Variants in KCNIP4 observed in about 807,000 individuals in gnomAD.
The protein encoded by KCNIP4 is potassium voltage-gated channel interacting protein 4, also known as Kv channel-interacting protein 4.
KCNIP4 carries 12 observed loss-of-function variants against 34.0 expected under a neutral mutation model. The observed-to-expected ratio is 0.35, with a 90% CI of 0.23 to 0.57. KCNIP4 has a LOEUF of 0.57. Among genes scored for constraint, KCNIP4 ranks in the 20% least tolerant of loss-of-function variants. The pLI, the probability that KCNIP4 is intolerant of heterozygous loss-of-function variation, is 0.83. For missense variants in KCNIP4, 238 were observed against 311.7 expected (o/e 0.76, Z 1.78); for synonymous variants, 124 against 102.2 (o/e 1.21, Z -1.29).
Position 20,999,414 on chromosome 4 carries a change from GTT to G in KCNIP4, c.62-116707_62-116706del, listed in dbSNP as rs5856594. On this transcript the variant is annotated intron_variant, in intron 1 of 8. Coordinates refer to ENST00000382152, the MANE Select transcript of KCNIP4 (RefSeq NM_025221.6). ...AAAAGAGGGTTTTTGTTGTGGTGGT[GTT>G]TTTTTTTTTTGTTTGTTTTTTGTTT... is the stretch of plus-strand genomic sequence containing the variant. Among the ~76,000 whole-genome samples, 250 of 95,328 alleles carry G rather than the reference GTT, an allele frequency of 2.6e-3. 1 individual carries two copies. Among genetic ancestry groups the G allele is most frequent in the Non-Finnish European group, 4.0e-3 (196 of 49,602 alleles). 62.5% of individuals were successfully genotyped at this position (95,328 alleles called of 152,430 possible).
chr4:21,808,485 T>C (rs925279115), intron 1 of KCNIP4, among the ~76,000 whole-genome samples: 7 of 152,208 alleles, frequency 4.6e-5, no homozygotes, highest in East Asian at 1.9e-4. Context: ...ATTGTAAGAA[T>C]ACAGTATATA....
chr4:21,415,654 A>G (rs1324244658), intron 1 of KCNIP4, among the ~76,000 whole-genome samples: 1 of 152,128 alleles, frequency 6.6e-6, no homozygotes, highest in African/African-American at 2.4e-5. Context: ...GTGAGCTGAG[A>G]GTGTGCCATT....
chr4:20,733,756 A>G (rs1007960953), intron 6 of KCNIP4, among the ~76,000 whole-genome samples: 4 of 152,212 alleles, frequency 2.6e-5, no homozygotes, highest in Admixed American at 2.6e-4. Flanking sequence ...ATACATGAAC[A>G]CAATAGCCAT....
intron 1 of KCNIP4, among the ~76,000 whole-genome samples, chr4:20,915,381 A>G (rs1365991963): frequency 1.3e-5 from 2 of 152,176 alleles, no homozygotes; most frequent in African/African-American, 4.8e-5. Context: ...AATTAAAACC[A>G]CAAAATATTT....
intron 1 of KCNIP4, among the ~76,000 whole-genome samples, chr4:20,920,856 G>A (rs953116862): frequency 6.6e-6 from 1 of 152,100 alleles, no homozygotes; most frequent in African/African-American, 2.4e-5. Flanking sequence ...AGGTGTGGTG[G>A]TGCATTCCTG....
At chr4:20,745,248 T>C (rs1752169128) in intron 5 of KCNIP4, among the ~76,000 whole-genome samples, 1 of 152,156 alleles carries the variant, frequency 6.6e-6, no homozygotes, top group African/African-American at 2.4e-5. Context: ...CCTTTTCTAG[T>C]ATTTGTGAAC....
chr4:20,862,499 A>C (rs149380654), intron 2 of KCNIP4, among the ~76,000 whole-genome samples: 16 of 152,170 alleles, frequency 1.1e-4, no homozygotes. Context: ...AAAAGCTGAG[A>C]GGGATTATGA....
chr4:21,887,421 A>G (rs1326739192), intron 1 of KCNIP4, among the ~76,000 whole-genome samples: 2 of 152,062 alleles, frequency 1.3e-5, no homozygotes, highest in African/African-American at 2.4e-5. Flanking sequence ...TCCACCCCCA[A>G]GACCTAATCA....
intron 3 of KCNIP4, among the ~76,000 whole-genome samples, chr4:20,797,472 A>G (rs1713628584): frequency 1.3e-5 from 2 of 152,190 alleles, no homozygotes; most frequent in Admixed American, 1.3e-4. Context: ...TATGCCCTGC[A>G]TAATCTCTGG....
chr4:21,519,951 C>T (rs766202468), intron 1 of KCNIP4, among the ~76,000 whole-genome samples: 2 of 151,058 alleles, frequency 1.3e-5, no homozygotes, highest in Middle Eastern at 3.5e-3. Flanking sequence ...CCACAATAGG[C>T]CATTTGCAAG....
intron 1 of KCNIP4, chr4:21,582,080 A>ATGGAATGGAG (rs1741271587): frequency 6.6e-6 from 1 of 150,834 alleles, no homozygotes; most frequent in African/African-American, 2.5e-5. Context: ...ATGGAATGGA[A>ATGGAATGGAG]TGGAATGGGA....
At chr4:20,746,302 C>T (rs1338762902) in intron 5 of KCNIP4, among the ~76,000 whole-genome samples, 1 of 151,802 alleles carries the variant, frequency 6.6e-6, no homozygotes, top group Admixed American at 6.6e-5. Flanking sequence ...TGTTCTCACT[C>T]ATAGCTGGGA....
At chr4:21,602,485 C>A (rs115063712) in intron 1 of KCNIP4, among the ~76,000 whole-genome samples, 4 of 151,990 alleles carry the variant, frequency 2.6e-5, no homozygotes, top group Non-Finnish European at 5.9e-5. Flanking sequence ...AGTGATGGAG[C>A]CTTAAGACTA....
chr4:20,811,513 GT>G (rs1715758483), intron 3 of KCNIP4, among the ~76,000 whole-genome samples: 1 of 42,984 alleles, frequency 2.3e-5, no homozygotes, highest in African/African-American at 7.0e-5. Context: ...GTGTGTGTGT[GT>G]GCGCGCGCGC....
At chr4:21,432,091 C>CGCAT (rs1553881273) in intron 1 of KCNIP4, among the ~76,000 whole-genome samples, 1 of 36,380 alleles carries the variant, frequency 2.7e-5, no homozygotes, top group Non-Finnish European at 5.7e-5. Flanking sequence ...AAAATGGAAG[C>CGCAT]ATATATATAT....
intron 1 of KCNIP4, among the ~76,000 whole-genome samples, chr4:21,786,843 G>C (rs907436742): frequency 8.5e-5 from 13 of 152,092 alleles, no homozygotes; most frequent in Middle Eastern, 3.4e-3. Flanking sequence ...GGGATTACAT[G>C]CCTGAGCCAC....
At chr4:21,944,179 G>A (rs143844985) in intron 1 of KCNIP4, among the ~76,000 whole-genome samples, 3 of 151,964 alleles carry the variant, frequency 2.0e-5, no homozygotes, top group Non-Finnish European at 4.4e-5. Context: ...GAGTATAGAG[G>A]GAGAAGATAA....
At chr4:21,380,235 TA>T (rs1721353585) in intron 1 of KCNIP4, among the ~76,000 whole-genome samples, 1 of 152,120 alleles carries the variant, frequency 6.6e-6, no homozygotes, top group South Asian at 2.1e-4. Context: ...ACCCTTTTAC[TA>T]AAAAACTTCC....
chr4:20,826,697 T>C (rs1717804121), intron 3 of KCNIP4, among the ~76,000 whole-genome samples: 3 of 152,080 alleles, frequency 2.0e-5, no homozygotes, highest in Admixed American at 1.3e-4. Context: ...TGCCTTAACT[T>C]TGACCCAGAA....
Sources: gnomAD v4.1 joint callset for allele counts (sites outside exome capture counted in the v4.1 genomes callset) on GRCh38, gnomAD v4.1.1 for gene constraint, MANE v1.5 for transcripts, NCBI Gene and HGNC (gene_info 2026-07-23, HGNC 2026-07-21) for gene names.